The following ADAMTSL1 variants were observed in gnomAD, a reference collection of about 807,000 sequenced individuals.
ADAMTSL1 encodes ADAMTS like 1, also known as ADAMTS-like protein 1.
ADAMTSL1 carries 126 observed loss-of-function variants against 201.8 expected under a neutral mutation model. That is an observed-to-expected ratio of 0.62 (90% CI 0.54 to 0.72). ADAMTSL1 has a LOEUF of 0.72. Ranked by LOEUF, ADAMTSL1 falls within the 30% of genes least tolerant of loss-of-function variation. The probability of loss-of-function intolerance (pLI) is 0.00; values close to 1 mark genes in which losing one functional copy is unlikely to be tolerated. For missense variants in ADAMTSL1, 2,679 were observed against 2,277.8 expected (o/e 1.18, Z -3.59); for synonymous variants, 1,121 against 903.4 (o/e 1.24, Z -4.32).
chr9:18,893,971 G>A (rs1053143870), intron 26 of ADAMTSL1, among the ~76,000 whole-genome samples: 10 of 152,210 alleles, frequency 6.6e-5, no homozygotes, highest in African/African-American at 1.7e-4. Flanking sequence ...CCTGTCTTGG[G>A]AGGGGAATGT....
At chr9:18,152,566 G>T (rs1471361908) in intron 1 of ADAMTSL1, among the ~76,000 whole-genome samples, 1 of 151,892 alleles carries the variant, frequency 6.6e-6, no homozygotes, top group Non-Finnish European at 1.5e-5. Flanking sequence ...GGCCCAGGAG[G>T]ACCCCCCAAA....
At chr9:18,165,475 A>G (rs1192158780) in intron 2 of ADAMTSL1, among the ~76,000 whole-genome samples, 1 of 151,954 alleles carries the variant, frequency 6.6e-6, no homozygotes, top group Admixed American at 6.6e-5. Flanking sequence ...ACCTAATATT[A>G]CATTGATTTC....
At chr9:18,180,370 A>T (rs1375645498) in intron 2 of ADAMTSL1, among the ~76,000 whole-genome samples, 1 of 151,838 alleles carries the variant, frequency 6.6e-6, no homozygotes, top group Non-Finnish European at 1.5e-5. Context: ...CGTCTCTACT[A>T]AAAATACAAA....
chr9:18,305,651 G>A (rs1223776947), intron 2 of ADAMTSL1, among the ~76,000 whole-genome samples: 2 of 152,202 alleles, frequency 1.3e-5, no homozygotes, highest in Admixed American at 6.5e-5. Flanking sequence ...CAGACTACCT[G>A]TCTAGATTCC....
At chr9:18,807,557 A>G (rs1187008290) in intron 20 of ADAMTSL1, among the ~76,000 whole-genome samples, 1 of 150,394 alleles carries the variant, frequency 6.6e-6, no homozygotes, top group Non-Finnish European at 1.5e-5. Context: ...AGGCGGGAGA[A>G]CCGGCGTGAA....
chr9:17,981,404 CT>C (rs1264822305), intron 1 of ADAMTSL1, among the ~76,000 whole-genome samples: 2 of 152,172 alleles, frequency 1.3e-5, no homozygotes, highest in African/African-American at 4.8e-5. Context: ...TATGCTAGTC[CT>C]AGTTATTTTG....
At chr9:18,583,831 T>TA (rs1159545661) in intron 4 of ADAMTSL1, among the ~76,000 whole-genome samples, 1 of 152,180 alleles carries the variant, frequency 6.6e-6, no homozygotes, top group Non-Finnish European at 1.5e-5. Flanking sequence ...ATTTTGGACT[T>TA]GAGTAGGGCC....
intron 1 of ADAMTSL1, among the ~76,000 whole-genome samples, chr9:18,115,665 G>C (rs1010133740): frequency 1.3e-5 from 2 of 152,066 alleles, no homozygotes; most frequent in Non-Finnish European, 2.9e-5. Context: ...CTCATGAAAT[G>C]GGCATGATGA....
At chr9:18,771,386 G>A (rs1372236800) in intron 17 of ADAMTSL1, among the ~76,000 whole-genome samples, 1 of 152,176 alleles carries the variant, frequency 6.6e-6, no homozygotes, top group Non-Finnish European at 1.5e-5. Context: ...GACTTTATCT[G>A]CTAAGTTAGA....
rs774176803 is a variant in ADAMTSL1 at position 18,908,558 on chromosome 9, G to A, written c.*10G>A. The A allele has an allele frequency of 3.9e-6, 6 of 1,554,532 alleles. No individual in the cohort carries two copies. The highest frequency in any genetic ancestry group is 4.9e-5 in the East Asian group (2 of 41,210). On this transcript the variant is annotated 3_prime_UTR_variant, in exon 29 of 29. Transcript: ENST00000380548. ...TTGTGGCAAAGCGTGAAGATAGGGT[G>A]TGGGGAAAAACTCTACCCTGGCCAC...
intron 2 of ADAMTSL1, among the ~76,000 whole-genome samples, chr9:18,342,676 G>A (rs939758670): frequency 2.6e-5 from 4 of 152,100 alleles, no homozygotes; most frequent in Non-Finnish European, 5.9e-5. Context: ...GCTGCCCAAC[G>A]TTCCTCTTCC....
intron 2 of ADAMTSL1, among the ~76,000 whole-genome samples, chr9:18,281,761 G>A (rs576893461): frequency 6.6e-6 from 1 of 152,018 alleles, no homozygotes; most frequent in Non-Finnish European, 1.5e-5. Context: ...TCCACAGCAG[G>A]GTCTTCCTGT....
rs1423082703 is a variant in ADAMTSL1, at chr9:18,154,615, A to G, written c.88-9247A>G. Among the ~76,000 whole-genome samples, 5 of 152,216 alleles carry G rather than the reference A, an allele frequency of 3.3e-5. 1 individual carries two copies. The South Asian group carries it at 6.2e-4, about 19-fold the overall frequency. On this transcript the variant is annotated intron_variant, in intron 1 of 29. Coordinates refer to the ADAMTSL1 transcript ENST00000680146. ...GAACAACATATTATTAATATAAACA[A>G]ATGACAAAAGAGTAATACATAAATA...
chr9:18,497,978 T>G (rs981578768), intron 1 of ADAMTSL1, among the ~76,000 whole-genome samples: 6 of 152,204 alleles, frequency 3.9e-5, no homozygotes, highest in African/African-American at 1.4e-4. Context: ...TTTAATTTCA[T>G]CTCCAAATTG....
At chr9:18,863,950 A>T (rs1423191882) in intron 23 of ADAMTSL1, among the ~76,000 whole-genome samples, 1 of 152,192 alleles carries the variant, frequency 6.6e-6, no homozygotes, top group Non-Finnish European at 1.5e-5. Context: ...CCCGACACAC[A>T]TCATTTTTAT....
chr9:18,224,333 C>G (rs1241898361), intron 2 of ADAMTSL1, among the ~76,000 whole-genome samples: 1 of 152,016 alleles, frequency 6.6e-6, no homozygotes. Flanking sequence ...AGTGCTGTGT[C>G]CTCACATGAC....
chr9:18,203,719 A>C (rs566721298), intron 2 of ADAMTSL1, among the ~76,000 whole-genome samples: 2 of 152,298 alleles, frequency 1.3e-5, no homozygotes, highest in East Asian at 3.9e-4. Flanking sequence ...AATACAGACT[A>C]TCTGGAAAGG....
chr9:18,185,830 G>C (rs1428049849), intron 2 of ADAMTSL1, among the ~76,000 whole-genome samples: 1 of 144,408 alleles, frequency 6.9e-6, no homozygotes, highest in Non-Finnish European at 1.5e-5. Flanking sequence ...TGCTGTACAA[G>C]AAGGTAGAGA....
intron 1 of ADAMTSL1, among the ~76,000 whole-genome samples, chr9:18,015,895 C>T (rs1238886910): frequency 6.6e-6 from 1 of 152,026 alleles, no homozygotes; most frequent in Non-Finnish European, 1.5e-5. Context: ...GATAACTTCT[C>T]ATCTGAGTAT....
Sources: allele counts gnomAD v4.1 joint callset (sites outside exome capture counted in the v4.1 genomes callset), GRCh38; gene constraint gnomAD v4.1.1; transcripts MANE v1.5; gene names NCBI Gene and HGNC (gene_info 2026-07-23, HGNC 2026-07-21).